Variants in SMARCA4 observed in about 807,000 individuals in gnomAD.
The protein encoded by SMARCA4 is SWI/SNF-related matrix-associated actin-dependent regulator of chromatin subfamily A member 4.
In SMARCA4, 31 loss-of-function variants were observed where a neutral mutation model predicts 193.9. The observed-to-expected ratio is 0.16, with a 90% CI of 0.12 to 0.22. The LOEUF is 0.22. SMARCA4 is among the 10% of genes least tolerant of loss of function. The pLI is 1.00. For synonymous variants in SMARCA4, 942 were observed against 933.1 expected (o/e 1.01, Z -0.17); for missense variants, 1,148 against 2,296.0 (o/e 0.50, Z 10.22).
chr19:10,990,769 G>A (rs2086486787), intron 7 of SMARCA4, among the ~76,000 whole-genome samples: 1 of 152,188 alleles, frequency 6.6e-6, no homozygotes. Context: ...ATGTTGCCCA[G>A]GTTGGTCTCA....
chr19:11,040,673 T>A (rs1281994558), intron 29 of SMARCA4: 1 of 151,854 alleles, frequency 6.6e-6, no homozygotes, highest in Admixed American at 6.6e-5. Context: ...TCCTAGCACT[T>A]TGGGAGGCTA....
chr19:10,987,502 G>A lies in SMARCA4; in HGVS notation c.860-164G>A, dbSNP rs187433647. Reference sequence around the variant, plus strand: ...AGGGTGAGGCTGAGATCTGGAGGAGGTTGGAGCCCAAGGCAGGTGTGAAGG... The same window carrying A: ...AGGGTGAGGCTGAGATCTGGAGGAGATTGGAGCCCAAGGCAGGTGTGAAGG... On this transcript the variant is annotated intron_variant, in intron 5 of 34. Coordinates refer to ENST00000344626, the MANE Select transcript of SMARCA4 (RefSeq NM_003072.5). The surrounding 1 kb of genome is among the most constrained non-coding windows in gnomAD (Gnocchi z 5.3). 6.6e-6 allele frequency among the ~76,000 whole-genome samples: 1 copy of A among 152,324 alleles called. No homozygotes were observed. The highest frequency in any genetic ancestry group is 6.5e-5 in the Admixed American group (1 of 15,304).
intron 21 of SMARCA4, 98 bp from the exon 22 acceptor site, chr19:11,025,324 G>A (rs761612514): frequency 2.1e-5 from 17 of 792,860 alleles, no homozygotes; most frequent in Admixed American, 3.6e-5. Context: ...CCACTAGAGC[G>A]TCCCCATGGC....
At chr19:11,016,139 G>C (rs1195290457) in intron 16 of SMARCA4, 1 of 152,236 alleles carries the variant, frequency 6.6e-6, no homozygotes, top group East Asian at 1.9e-4. Context: ...AGATCCCATG[G>C]GGAGGGAGGA....
Position 10,984,379 on chromosome 19 carries a change from G to A in SMARCA4, c.222+6G>A, listed in dbSNP as rs769669992. ...ACATGCACCAGATGCACAAGGTAGGGATCCCTGTGCCCGCCTCGCACCTGC... is the reference window on the plus strand; with the variant it reads ...ACATGCACCAGATGCACAAGGTAGGAATCCCTGTGCCCGCCTCGCACCTGC... On this transcript the variant is annotated splice_donor_region_variant and intron_variant, in intron 2 of 34. Transcript: ENST00000344626. This position sits in a 1 kb window ranked among gnomAD's most constrained non-coding sequence, Gnocchi z 4.3. 2 of 1,574,664 alleles carry A rather than the reference G, an allele frequency of 1.3e-6. No homozygotes were observed. The highest frequency in any genetic ancestry group is 8.6e-7 in the Non-Finnish European group (1 of 1,159,966).
Position 11,012,785 on chromosome 19 carries a change from A to T in SMARCA4, c.2275-164A>T, listed in dbSNP as rs1244934412. 3 of 701,062 alleles carry T rather than the reference A, an allele frequency of 4.3e-6. No individual in the cohort carries two copies. The South Asian group carries it at 4.6e-5, about 11-fold the overall frequency. The allele number at this position is 701,062 out of a possible 1,614,324, so 43.4% of individuals were successfully genotyped here. A position where few individuals can be genotyped will look rare whatever the true frequency, so the allele number is the denominator to read the frequency against. On this transcript the variant is annotated intron_variant, in intron 15 of 34. Coordinates refer to ENST00000344626, the MANE Select transcript of SMARCA4 (RefSeq NM_003072.5). ...CTAAGGATGAGGCTAAGCGATAAAG[A>T]ATCAGTTTGGTTCAGAGGAAAAATC...
At chr19:11,008,152 C>T in intron 14 of SMARCA4, 129 bp downstream of exon 14, 1 of 893,984 alleles carries the variant, frequency 1.1e-6, no homozygotes, top group Non-Finnish European at 1.8e-6. Flanking sequence ...TGTGGAACTA[C>T]AGAGACCAAA....
intron 1 of SMARCA4, among the ~76,000 whole-genome samples, chr19:10,964,382 C>CT (rs2084047525): frequency 6.6e-6 from 1 of 151,852 alleles, no homozygotes; most frequent in Non-Finnish European, 1.5e-5. Flanking sequence ...ACGATCTCGT[C>CT]TCACTGCAAC....
At chr19:11,014,156 T>TGGGACCAC (rs993150962) in intron 16 of SMARCA4, among the ~76,000 whole-genome samples, 6 of 152,218 alleles carry the variant, frequency 3.9e-5, no homozygotes, top group African/African-American at 1.4e-4. Flanking sequence ...AGGCACTCAT[T>TGGGACCAC]GGGACCACTA....
chr19:10,985,158 G>T lies in SMARCA4; in HGVS notation c.223-115G>T. ...CATGCTGGGGACTGGGGAGATGCGC[G>T]TCATCTTCGGGTGGCTGTTCTCGGT... On this transcript the variant is annotated intron_variant, in intron 2 of 34. Transcript: ENST00000344626. The surrounding 1 kb of genome is among the most constrained non-coding windows in gnomAD (Gnocchi z 4.5). 9.3e-7 allele frequency: 1 copy of T among 1,076,610 alleles called. No homozygotes were observed. The highest frequency in any genetic ancestry group is 1.4e-6 in the Non-Finnish European group (1 of 704,030). 66.7% of individuals were successfully genotyped at this position (1,076,610 alleles called of 1,614,324 possible).
intron 13 of SMARCA4, among the ~76,000 whole-genome samples, chr19:11,005,678 TC>T (rs1344350516): frequency 6.6e-6 from 1 of 152,166 alleles, no homozygotes; most frequent in African/African-American, 2.4e-5. Flanking sequence ...CTGAGCCCCT[TC>T]CACCTCCCTG....
chr19:11,026,404 C>A (rs376220226), intron 23 of SMARCA4, 58 bp downstream of exon 23: 53 of 1,368,642 alleles, frequency 3.9e-5, no homozygotes, highest in Admixed American at 1.8e-4. Context: ...GGTTTTCTGT[C>A]GTTTTGTTGG....
chr19:11,011,575 C>G (rs1407725918), intron 15 of SMARCA4: 2 of 152,206 alleles, frequency 1.3e-5, no homozygotes, highest in Non-Finnish European at 2.9e-5. Context: ...TATCAACATT[C>G]AAAGCTGCAC....
intron 1 of SMARCA4, among the ~76,000 whole-genome samples, chr19:10,972,146 A>G (rs1290514129): frequency 6.6e-6 from 1 of 151,852 alleles, no homozygotes; most frequent in Non-Finnish European, 1.5e-5. Flanking sequence ...TTTAGTAGAG[A>G]TGAGTTTTAA....
At chr19:11,061,201 AAAAATAT>A (rs1232165014) in intron 34 of SMARCA4, among the ~76,000 whole-genome samples, 794 of 69,692 alleles carry the variant, frequency 0.011, 7 homozygotes, top group Non-Finnish European at 0.018. Context: ...AAAAAAAAAA[AAAAATAT>A]ATATATATAT....
In SMARCA4 at chr19:10,986,435, A is replaced by T. The variant is rs587778682; in HGVS notation, c.602A>T (p.Gln201Leu). ...GGGCAGCCCCTCCCCGACCACCTGC[A>T]GATGGCGGTGCAGGGCAAGCGGCCG... is the stretch of plus-strand genomic sequence containing the variant. The part of the protein sequence containing the change: ...ARGQPLPDHL[Q>L]MAVQGKRPMP... Residue 201 changes from glutamine to leucine, a missense_variant, in exon 4 of 35, where the codon CAG (glutamine) becomes CTG (leucine). By Grantham distance (113) the Gln-to-Leu change is moderately radical. Around this residue, in one of 17 missense-constraint regions of SMARCA4, gnomAD observed 257 missense variants for 276.5 expected, o/e 0.93. Coordinates refer to ENST00000344626, the MANE Select transcript of SMARCA4 (RefSeq NM_003072.5). The surrounding 1 kb of genome is among the most constrained non-coding windows in gnomAD (Gnocchi z 6.7). 6.2e-5 allele frequency: 98 copies of T among 1,570,786 alleles called. No individual in the cohort carries two copies. In the East Asian group the frequency reaches 2.1e-3, roughly 34 times the overall value.
chr19:10,978,914 A>T (rs938111830), intron 1 of SMARCA4, among the ~76,000 whole-genome samples: 1 of 152,074 alleles, frequency 6.6e-6, no homozygotes, highest in Non-Finnish European at 1.5e-5. Flanking sequence ...ACGCCACTGC[A>T]CTCCAGCTTG....
At position 11,044,250 on chromosome 19, in the gene SMARCA4, G is replaced by A. The variant is rs181595462; in HGVS notation, c.4424+2690G>A. The stretch of plus-strand genomic sequence containing the variant: ...TGACATGGACTGTGGATGTAAGAAC[G>A]TGAAAGGTAAAACAAAATTCTAGAA... On this transcript the variant is annotated intron_variant, in intron 30 of 34. Transcript: ENST00000344626. 9.2e-5 allele frequency among the ~76,000 whole-genome samples: 14 copies of A among 152,218 alleles called. No homozygotes were observed. The East Asian group carries it at 2.1e-3, about 23-fold the overall frequency.
intron 7 of SMARCA4, among the ~76,000 whole-genome samples, chr19:10,990,632 C>G (rs1029545675): frequency 6.6e-6 from 1 of 152,016 alleles, no homozygotes; most frequent in Non-Finnish European, 1.5e-5. Context: ...AGGCTAGTCT[C>G]GAACTCCTGA....
Sources: gnomAD v4.1 joint callset for allele counts (sites outside exome capture counted in the v4.1 genomes callset) on GRCh38, gnomAD v4.1.1 for gene constraint, gnomAD v4.1.1 regional missense constraint, Gnocchi (gnomAD v3.1) non-coding constraint, MANE v1.5 for transcripts, NCBI Gene and HGNC (gene_info 2026-07-23, HGNC 2026-07-21) for gene names.